FMNL1: variants seen among roughly 807,000 people sequenced by gnomAD.
FMNL1 encodes formin-like protein 1.
A neutral mutation model predicts 121.3 loss-of-function variants in FMNL1; 43 were observed. The ratio of observed to expected loss-of-function variants is 0.35; its 90% CI spans 0.28 to 0.46. The LOEUF is 0.46. Among genes scored for constraint, FMNL1 ranks in the 20% least tolerant of loss-of-function variants. The pLI is 1.00. For missense variants in FMNL1, 1,191 were observed against 1,482.4 expected, an observed-to-expected ratio of 0.80 and a Z score of 3.23; for synonymous variants, 613 against 613.5, an observed-to-expected ratio of 1.00 and a Z score of 0.01.
In FMNL1 at chr17:45,241,476, T is replaced by TGGAGCTGAAGGTGGA; in HGVS notation, c.1435_1449dup (p.Lys479_Leu483dup). The TGGAGCTGAAGGTGGA allele has an allele frequency of 6.3e-7, 1 of 1,574,872 alleles. No individual in the cohort carries two copies. The highest frequency in any genetic ancestry group is 8.6e-7 in the Non-Finnish European group (1 of 1,160,926). Reference sequence around the variant, plus strand: ...GCTGCCCCGACGCGGCCCTCGGCCCTGGAGCTGAAGGTGGAGGAGCTGGAG... The same window carrying TGGAGCTGAAGGTGGA: ...GCTGCCCCGACGCGGCCCTCGGCCCTGGAGCTGAAGGTGGAGGAGCTGAAGGTGGAGGAGCTGGAG... On this transcript the variant is annotated inframe_insertion, in exon 14 of 27. Coordinates refer to ENST00000331495, the MANE Select transcript of FMNL1 (RefSeq NM_005892.4). This position sits in a 1 kb window ranked among gnomAD's most constrained non-coding sequence, Gnocchi z 7.0.
chr17:45,240,581 G>A lies in FMNL1; in HGVS notation c.1186G>A (p.Ala396Thr), dbSNP rs1396636310. 3.1e-6 allele frequency: 5 copies of A among 1,613,952 alleles called. No individual in the cohort carries two copies. Among genetic ancestry groups the A allele is most frequent in the Admixed American group, 1.7e-5 (1 of 60,018 alleles). ...ALLEDTETKN[A>T]VLEHMEELQE... ...GCTGGAGGACACAGAGACCAAGAAC[G>A]CTGTGCTGGAGCACATGGAGGAACT... Residue 396 changes from alanine to threonine, a missense_variant, in exon 12 of 27, where the codon GCT becomes ACT. This residue lies in a region of FMNL1 where 519 missense variants were observed against 492.8 expected (regional missense o/e 1.05). Coordinates refer to ENST00000331495, the MANE Select transcript of FMNL1 (RefSeq NM_005892.4).
intron 1 of FMNL1, among the ~76,000 whole-genome samples, chr17:45,227,237 C>T (rs193152213): frequency 7.9e-5 from 12 of 152,250 alleles, no homozygotes; most frequent in East Asian, 5.8e-4. Context: ...ACGTAGGCTC[C>T]GCTCAAACTG....
In FMNL1 at chr17:45,233,906, G is replaced by A. The variant is rs933205608; in HGVS notation, c.486-166G>A. ...AGAAGGCCTGCCCCCGACAGGGAGGGGTGGCCTCTCTTCCACCACTATGTT... is the reference window on the plus strand; with the variant it reads ...AGAAGGCCTGCCCCCGACAGGGAGGAGTGGCCTCTCTTCCACCACTATGTT... On this transcript the variant is annotated intron_variant, in intron 5 of 26. Transcript: ENST00000331495. This position sits in a 1 kb window ranked among gnomAD's most constrained non-coding sequence, Gnocchi z 4.1. 1.5e-6 allele frequency: 2 copies of A among 1,318,456 alleles called. No homozygotes were observed. The highest frequency in any genetic ancestry group is 4.8e-5 in the Admixed American group (2 of 41,442). 81.7% of individuals were successfully genotyped at this position (1,318,456 alleles called of 1,614,324 possible).
In FMNL1 at chr17:45,244,989, T is replaced by C. The variant is rs773190000; in HGVS notation, c.2609T>C (p.Met870Thr). ...RLQSLDALLEMKSTDRKQTLL... is the reference protein window; with the variant it reads ...RLQSLDALLETKSTDRKQTLL... ...TGGGTCCTTGTGCAGCTGTTGGAGA[T>C]GAAGTCGACTGATCGCAAGCAGACG... Residue 870 changes from methionine (M) to threonine (T), a missense_variant, in exon 21 of 27, where the codon ATG (methionine) becomes ACG (threonine). Met to Thr is a moderately conservative substitution (Grantham distance 81). Transcript: ENST00000331495. The C allele has an allele frequency of 1.7e-5, 28 of 1,613,344 alleles. No homozygotes were observed. In the South Asian group the frequency reaches 2.9e-4, roughly 16 times the overall value.
chr17:45,236,550 C>T (rs2043554880), intron 7 of FMNL1: 3 of 243,794 alleles, frequency 1.2e-5, no homozygotes, highest in East Asian at 8.3e-5. Context: ...AGAACAGCCT[C>T]GGGTCGATTC....
At chr17:45,240,288 A>C (rs2043654165) in intron 11 of FMNL1, 188 bp from the exon 12 acceptor site, 1 of 501,806 alleles carries the variant, frequency 2.0e-6, no homozygotes, top group Non-Finnish European at 3.2e-6. Context: ...CTATACTAAG[A>C]ATGACTGAAT....
At position 45,241,857 on chromosome 17, in the gene FMNL1, T is replaced by C; in HGVS notation, c.1596T>C (p.Pro532=). Reference sequence around the variant, plus strand: ...CCCTCGCTGGCTCAGATCTCGCACCTGCAGCAGAGCCGGCTCCCGGAGCAG... The same window carrying C: ...CCCTCGCTGGCTCAGATCTCGCACCCGCAGCAGAGCCGGCTCCCGGAGCAG... ...PTGSPSPDLA[P]AAEPAPGAAP... Residue 532 remains proline (P), a synonymous_variant, in exon 15 of 27, where the codon CCT becomes CCC. Transcript: ENST00000331495. The surrounding 1 kb of genome is among the most constrained non-coding windows in gnomAD (Gnocchi z 7.0). The C allele has an allele frequency of 7.0e-7, 1 of 1,428,888 alleles. No individual in the cohort carries two copies. 88.5% of individuals were successfully genotyped at this position (1,428,888 alleles called of 1,614,324 possible).
chr17:45,245,204 G>A (rs755382134), intron 21 of FMNL1, 49 bp from the exon 22 acceptor site: 1 of 1,613,004 alleles, frequency 6.2e-7, no homozygotes, highest in Non-Finnish European at 8.5e-7. Context: ...TTGGTGGGAG[G>A]GCTGCCTCTC....
chr17:45,233,417 C>G lies in FMNL1; in HGVS notation c.401+120C>G. ...GCACAAGGCTGTGCTTGTGGACCAC[C>G]TCCTGGAGGTGTCCAGGACAGCTTC... is the stretch of plus-strand genomic sequence containing the variant. On this transcript the variant is annotated intron_variant, in intron 4 of 26. Coordinates refer to ENST00000331495, the MANE Select transcript of FMNL1 (RefSeq NM_005892.4). The surrounding 1 kb of genome is among the most constrained non-coding windows in gnomAD (Gnocchi z 4.1). 1.8e-6 allele frequency: 2 copies of G among 1,120,242 alleles called. No homozygotes were observed. Among genetic ancestry groups the G allele is most frequent in the Non-Finnish European group, 2.5e-6 (2 of 792,174 alleles). The allele number at this position is 1,120,242 out of a possible 1,614,324, so 69.4% of individuals were successfully genotyped here.
intron 1 of FMNL1, among the ~76,000 whole-genome samples, chr17:45,228,402 G>A (rs1411049057): frequency 6.6e-6 from 1 of 152,228 alleles, no homozygotes; most frequent in Non-Finnish European, 1.5e-5. Context: ...CCCCTCGGCA[G>A]TAACAACCAG....
At position 45,222,306 on chromosome 17, in the gene FMNL1, G is replaced by A. The variant is rs1459439505; in HGVS notation, c.129+53G>A. The A allele has an allele frequency of 6.1e-6, 7 of 1,142,540 alleles. No individual in the cohort carries two copies. The Admixed American group carries it at 1.4e-4, about 24-fold the overall frequency. 70.8% of individuals were successfully genotyped at this position (1,142,540 alleles called of 1,614,324 possible). A position where few individuals can be genotyped will look rare whatever the true frequency, so the allele number is the denominator to read the frequency against. On this transcript the variant is annotated intron_variant, in intron 1 of 26. Coordinates refer to ENST00000331495, the MANE Select transcript of FMNL1 (RefSeq NM_005892.4). ...CGCGGGCGGGGGGCGGCAGGGGCGCGGCAGGGGCTGGGCGCGCGTCCCCGC... is the reference window on the plus strand; with the variant it reads ...CGCGGGCGGGGGGCGGCAGGGGCGCAGCAGGGGCTGGGCGCGCGTCCCCGC...
chr17:45,240,430 C>T (rs758219905), intron 11 of FMNL1, 46 bp from the exon 12 acceptor site: 24 of 1,520,130 alleles, frequency 1.6e-5, no homozygotes, highest in South Asian at 2.5e-5. Context: ...GACTCCCCCC[C>T]ACACACACAC....
rs200337826 is a variant in FMNL1 at position 45,244,164 on chromosome 17, T to C, written c.2449-12T>C. 49 of 1,612,482 alleles carry C rather than the reference T, an allele frequency of 3.0e-5. No homozygotes were observed. The highest frequency in any genetic ancestry group is 4.1e-5 in the Non-Finnish European group (48 of 1,179,400). ...GCTCCAACTTATCTTACCTCCCCCA[T>C]CCCACCCCCAGCAACTGAATGCCAT... On this transcript the variant is annotated splice_polypyrimidine_tract_variant and intron_variant, in intron 18 of 26. Transcript: ENST00000331495.
chr17:45,244,633 CAT>C (rs1271348923), intron 19 of FMNL1, among the ~76,000 whole-genome samples, 184 bp from the exon 20 acceptor site: 1 of 152,240 alleles, frequency 6.6e-6, no homozygotes. Flanking sequence ...TAACCGTGCA[CAT>C]GTGTGAGACC....
chr17:45,242,538 TG>T, intron 16 of FMNL1, 73 bp downstream of exon 16: 1 of 1,547,088 alleles, frequency 6.5e-7, no homozygotes, highest in Non-Finnish European at 8.7e-7. Context: ...GGCTGGGCCC[TG>T]GGGGTAGTCA....
Position 45,233,531 on chromosome 17 carries a change from T to C in FMNL1, c.402-117T>C, listed in dbSNP as rs1222637300. On this transcript the variant is annotated intron_variant, in intron 4 of 26. Coordinates refer to ENST00000331495, the MANE Select transcript of FMNL1 (RefSeq NM_005892.4). The surrounding 1 kb of genome is among the most constrained non-coding windows in gnomAD (Gnocchi z 4.1). ...CTGAGTCTCCCAGAATCCTTTGGTA[T>C]CATTGGGTCTTTGGGGGTTGAAAGG... The C allele has an allele frequency of 9.2e-6, 11 of 1,192,986 alleles. No individual in the cohort carries two copies. The highest frequency in any genetic ancestry group is 1.1e-5 in the Non-Finnish European group (9 of 833,614). 73.9% of individuals were successfully genotyped at this position (1,192,986 alleles called of 1,614,324 possible).
At position 45,247,238 on chromosome 17, in the gene FMNL1, A is replaced by G; in HGVS notation, c.*380A>G. On this transcript the variant is annotated 3_prime_UTR_variant, in exon 27 of 27. Transcript: ENST00000331495. ...GCCTGGCCTGTAACTTATAAAGTGC[A>G]CCTCGCCCCCGCAAGCCCCAGCCCC... 2.2e-6 allele frequency: 1 copy of G among 456,374 alleles called. No individual in the cohort carries two copies. Among genetic ancestry groups the G allele is most frequent in the Admixed American group, 3.7e-5 (1 of 27,382 alleles). 28.3% of individuals were successfully genotyped at this position (456,374 alleles called of 1,614,324 possible).
In FMNL1 at chr17:45,237,129, T is replaced by TAGAG. The variant is rs984791654; in HGVS notation, c.724-149_724-148insGAGA. 22 of 635,884 alleles carry TAGAG rather than the reference T, an allele frequency of 3.5e-5. No homozygotes were observed. The African/African-American group carries it at 4.4e-4, about 13-fold the overall frequency. The allele number at this position is 635,884 out of a possible 1,614,324, so 39.4% of individuals were successfully genotyped here. Reference sequence around the variant, plus strand: ...GGAAACTCCATCTTGAAAAAAAAAATAGAAACAAGGCCAGGTTTTGGTGGC... The same window carrying TAGAG: ...GGAAACTCCATCTTGAAAAAAAAAATAGAGAGAAACAAGGCCAGGTTTTGGTGGC... On this transcript the variant is annotated intron_variant, in intron 7 of 26. Transcript: ENST00000331495. The surrounding 1 kb of genome is among the most constrained non-coding windows in gnomAD (Gnocchi z 4.4).
In FMNL1 at chr17:45,233,871, T is replaced by C. The variant is rs2043493937; in HGVS notation, c.485+140T>C. On this transcript the variant is annotated intron_variant, in intron 5 of 26. Transcript: ENST00000331495. This position sits in a 1 kb window ranked among gnomAD's most constrained non-coding sequence, Gnocchi z 4.1. ...GAACCCTCCACTTGGCCTTGAGCGATGCTCCTTCCAGAAGGCCTGCCCCCG... is the reference window on the plus strand; with the variant it reads ...GAACCCTCCACTTGGCCTTGAGCGACGCTCCTTCCAGAAGGCCTGCCCCCG... 5 of 1,350,752 alleles carry C rather than the reference T, an allele frequency of 3.7e-6. No individual in the cohort carries two copies. The highest frequency in any genetic ancestry group is 5.0e-6 in the Non-Finnish European group (5 of 996,306). The allele number at this position is 1,350,752 out of a possible 1,614,324, so 83.7% of individuals were successfully genotyped here. A position where few individuals can be genotyped will look rare whatever the true frequency, so the allele number is the denominator to read the frequency against.
Sources: allele counts gnomAD v4.1 joint callset (sites outside exome capture counted in the v4.1 genomes callset), GRCh38; gene constraint gnomAD v4.1.1; regional missense constraint gnomAD v4.1.1; non-coding constraint Gnocchi (gnomAD v3.1); transcripts MANE v1.5; gene names NCBI Gene and HGNC (gene_info 2026-07-23, HGNC 2026-07-21).